The following PRKN variants were observed in gnomAD, a reference collection of about 807,000 sequenced individuals.
The protein encoded by PRKN is parkin RBR E3 ubiquitin protein ligase.
A neutral mutation model predicts 59.5 loss-of-function variants in PRKN; 56 were observed. That is an observed-to-expected ratio of 0.94 (90% CI 0.76 to 1.18). PRKN has a LOEUF of 1.18. Ranked by LOEUF, PRKN falls within the 50% of genes most tolerant of loss-of-function variation. PRKN has a pLI of 0.00. For missense variants in PRKN, 657 were observed against 596.4 expected (o/e 1.10, Z -1.06); for synonymous variants, 250 against 222.1 (o/e 1.13, Z -1.12).
chr6:162,287,828 C>T (rs1781263429), intron 2 of PRKN, among the ~76,000 whole-genome samples: 1 of 152,000 alleles, frequency 6.6e-6, no homozygotes, highest in Non-Finnish European at 1.5e-5. Flanking sequence ...AAGAGAAAAG[C>T]CTAATGTAGA....
chr6:162,184,510 G>A (rs756833980), intron 4 of PRKN, among the ~76,000 whole-genome samples: 1 of 152,052 alleles, frequency 6.6e-6, no homozygotes, highest in Non-Finnish European at 1.5e-5. Context: ...GTTTTATAAG[G>A]GGCTTCTCCC....
At chr6:162,336,006 G>T (rs1014698976) in intron 2 of PRKN, among the ~76,000 whole-genome samples, 4 of 151,590 alleles carry the variant, frequency 2.6e-5, no homozygotes, top group African/African-American at 9.7e-5. Context: ...GAGCAGTGCG[G>T]CCCATCTCAC....
At chr6:161,777,466 T>G (rs769024051) in intron 7 of PRKN, among the ~76,000 whole-genome samples, 1 of 151,654 alleles carries the variant, frequency 6.6e-6, no homozygotes, top group Non-Finnish European at 1.5e-5. Flanking sequence ...CTTAAGAAGT[T>G]TGAAAGAGAC....
At chr6:162,025,767 T>G (rs1414172699) in intron 5 of PRKN, among the ~76,000 whole-genome samples, 1 of 151,528 alleles carries the variant, frequency 6.6e-6, no homozygotes, top group Non-Finnish European at 1.5e-5. Context: ...TTTCATATTT[T>G]TAGTAGAGAT....
intron 6 of PRKN, among the ~76,000 whole-genome samples, chr6:161,956,138 T>C (rs1780161666): frequency 6.6e-6 from 1 of 152,230 alleles, no homozygotes; most frequent in Admixed American, 6.5e-5. Flanking sequence ...CTTGTAATTT[T>C]CACAACCTTT....
chr6:162,490,448 T>C (rs113300853), intron 1 of PRKN, among the ~76,000 whole-genome samples: 41 of 152,246 alleles, frequency 2.7e-4, no homozygotes, highest in African/African-American at 9.6e-4. Context: ...TCCTAGTCAG[T>C]GCAACAAAAA....
At chr6:162,317,613 G>A (rs146381309) in intron 2 of PRKN, among the ~76,000 whole-genome samples, 119 of 152,134 alleles carry the variant, frequency 7.8e-4, no homozygotes, top group African/African-American at 2.7e-3. Flanking sequence ...ACACTCACTC[G>A]ATTGGGGAGA....
chr6:162,568,804 T>C (rs1780193511), intron 1 of PRKN: 7 of 733,980 alleles, frequency 9.5e-6, no homozygotes, highest in South Asian at 8.1e-5. Context: ...GAGGCAGAGC[T>C]TGGCAACATG....
chr6:162,427,715 G>A (rs1019123678), intron 2 of PRKN, among the ~76,000 whole-genome samples: 7 of 149,452 alleles, frequency 4.7e-5, no homozygotes, highest in South Asian at 2.1e-4. Context: ...GCGCAATCTC[G>A]GCTCACTGCA....
At chr6:162,622,879 TC>T (rs1782732823) in intron 1 of PRKN, among the ~76,000 whole-genome samples, 1 of 152,086 alleles carries the variant, frequency 6.6e-6, no homozygotes, top group Non-Finnish European at 1.5e-5. Flanking sequence ...TTTATGAACC[TC>T]CCTTTTTTAC....
Position 162,610,439 on chromosome 6 carries a change from A to C in PRKN, c.7+117223T>G, listed in dbSNP as rs1782100311. ...CTACGCTGTTAGAGGTCACTATTCC[A>C]ACATGGAAGCAACCATGTCCTGCTA... On this transcript the variant is annotated intron_variant, in intron 1 of 11. Coordinates refer to ENST00000366898, the MANE Select transcript of PRKN (RefSeq NM_004562.3). Among the ~76,000 whole-genome samples the C allele has an allele frequency of 4.6e-5, 7 of 152,372 alleles. No individual in the cohort carries two copies. The South Asian group carries it at 1.4e-3, about 32-fold the overall frequency.
chr6:162,194,323 T>C (rs1784410061), intron 4 of PRKN, among the ~76,000 whole-genome samples: 1 of 152,198 alleles, frequency 6.6e-6, no homozygotes, highest in Non-Finnish European at 1.5e-5. Flanking sequence ...CAAAAGAATG[T>C]TTCAAAACAA....
At chr6:162,262,501 A>G in intron 3 of PRKN, 24 bp downstream of exon 3, 2 of 1,613,950 alleles carry the variant, frequency 1.2e-6, no homozygotes, top group East Asian at 2.2e-5. Flanking sequence ...AAATGCTTTA[A>G]TAATCTTAGA....
At chr6:161,586,402 C>T (rs932829613) in intron 7 of PRKN, among the ~76,000 whole-genome samples, 1 of 152,286 alleles carries the variant, frequency 6.6e-6, no homozygotes, top group South Asian at 2.1e-4. Context: ...CTGAGTTCCA[C>T]GTTCTTGCTC....
chr6:162,575,570 A>G (rs1780524069), intron 1 of PRKN, among the ~76,000 whole-genome samples: 1 of 152,108 alleles, frequency 6.6e-6, no homozygotes, highest in Non-Finnish European at 1.5e-5. Context: ...TTTAGTCTCT[A>G]TGCTGATACA....
chr6:162,214,652 T>C (rs1777560135), intron 3 of PRKN, among the ~76,000 whole-genome samples: 1 of 152,138 alleles, frequency 6.6e-6, no homozygotes, highest in African/African-American at 2.4e-5. Context: ...CATATGCAAA[T>C]AATTTCTGTC....
intron 1 of PRKN, among the ~76,000 whole-genome samples, chr6:162,689,712 A>C (rs1036186312): frequency 7.9e-5 from 12 of 152,336 alleles, no homozygotes; most frequent in Non-Finnish European, 1.3e-4. Flanking sequence ...CAATACACGT[A>C]GACCCTCTGG....
intron 2 of PRKN, among the ~76,000 whole-genome samples, chr6:162,296,189 C>T (rs376651146): frequency 5.9e-5 from 9 of 151,896 alleles, no homozygotes; most frequent in East Asian, 1.9e-4. Context: ...GGCCCACAGT[C>T]GCCTTAAAAC....
At chr6:162,437,645 C>T (rs1451490551) in intron 2 of PRKN, among the ~76,000 whole-genome samples, 6 of 152,204 alleles carry the variant, frequency 3.9e-5, no homozygotes, top group South Asian at 2.1e-4. Context: ...ATCATTTTGT[C>T]GTTTTGAGAA....
Sources: allele counts gnomAD v4.1 joint callset (sites outside exome capture counted in the v4.1 genomes callset), GRCh38; gene constraint gnomAD v4.1.1; transcripts MANE v1.5; gene names NCBI Gene and HGNC (gene_info 2026-07-23, HGNC 2026-07-21).